Variants in PTGIS observed in about 807,000 individuals in gnomAD.
PTGIS encodes prostaglandin I2 synthase, also known as prostacyclin synthase.
In PTGIS, 45 loss-of-function variants were observed where a neutral mutation model predicts 50.3. The observed-to-expected ratio is 0.90, with a 90% CI of 0.70 to 1.15. PTGIS has a LOEUF of 1.15. PTGIS is among the 50% of genes most tolerant of loss of function. The probability of loss-of-function intolerance (pLI) is 0.00; values close to 1 mark genes in which losing one functional copy is unlikely to be tolerated. For missense variants in PTGIS, 668 were observed against 661.3 expected, an observed-to-expected ratio of 1.01 and a Z score of -0.11; for synonymous variants, 260 against 267.7, an observed-to-expected ratio of 0.97 and a Z score of 0.28.
In PTGIS at chr20:49,507,969, A is replaced by G; in HGVS notation, c.1454T>C (p.Leu485Pro). 1 of 1,613,744 alleles carries G rather than the reference A, an allele frequency of 6.2e-7. No homozygotes were observed. Among genetic ancestry groups the G allele is most frequent in the Non-Finnish European group, 8.5e-7 (1 of 1,180,038 alleles). Residue 485 changes from leucine (L) to proline (P), a missense_variant, in exon 10 of 10, where the codon CTG becomes CCG. Physicochemically the swap from Leu to Pro is moderately conservative, Grantham distance 98. Transcript: ENST00000244043. ...EFDLSRYGFG[L>P]MQPEHDVPVR... ...GGGCACGTCGTGTTCCGGCTGCATCAGACCGAAGCCGTACCTGCTGAGGTC... is the reference window on the plus strand; with the variant it reads ...GGGCACGTCGTGTTCCGGCTGCATCGGACCGAAGCCGTACCTGCTGAGGTC...
rs1231097778 is a variant in PTGIS, at chr20:49,540,594, T to G, written c.522-873A>C. On this transcript the variant is annotated intron_variant, in intron 4 of 9. Coordinates refer to ENST00000244043, the MANE Select transcript of PTGIS (RefSeq NM_000961.4). This position sits in a 1 kb window ranked among gnomAD's most constrained non-coding sequence, Gnocchi z 4.8. The stretch of plus-strand genomic sequence containing the variant: ...GCCCGAGAAGGAGGTCAGGGCCTGG[T>G]CAAGTGTGAAAAAGGGTAAGACATG... Among the ~76,000 whole-genome samples the G allele has an allele frequency of 6.6e-6, 1 of 152,048 alleles. No individual in the cohort carries two copies. Among genetic ancestry groups the G allele is most frequent in the Non-Finnish European group, 1.5e-5 (1 of 67,998 alleles).
chr20:49,504,020 C>A lies in PTGIS; in HGVS notation c.*3900G>T, dbSNP rs1376388586. The stretch of plus-strand genomic sequence containing the variant: ...GTTTATTCTTTTTAATCATCAAAAT[C>A]AATGACTTTGGGCAAGACCTGTGAA... On this transcript the variant is annotated 3_prime_UTR_variant, in exon 10 of 10. Transcript: ENST00000244043. The A allele has an allele frequency of 6.6e-6, 1 of 152,268 alleles. No individual in the cohort carries two copies. Among genetic ancestry groups the A allele is most frequent in the East Asian group, 1.9e-4 (1 of 5,200 alleles). 9.4% of individuals were successfully genotyped at this position (152,268 alleles called of 1,614,324 possible).
At chr20:49,532,600 G>C (rs752168708) in intron 5 of PTGIS, among the ~76,000 whole-genome samples, 1 of 152,112 alleles carries the variant, frequency 6.6e-6, no homozygotes, top group Non-Finnish European at 1.5e-5. Context: ...CCTAATAAAC[G>C]CTATATTATT....
intron 5 of PTGIS, among the ~76,000 whole-genome samples, chr20:49,534,801 G>A (rs1982028080): frequency 6.6e-6 from 1 of 152,182 alleles, no homozygotes; most frequent in Admixed American, 6.5e-5. Flanking sequence ...GACACAAACA[G>A]CCGGCTCATA....
chr20:49,518,198 A>G (rs1295829148), intron 6 of PTGIS, among the ~76,000 whole-genome samples: 1 of 152,242 alleles, frequency 6.6e-6, no homozygotes, highest in East Asian at 1.9e-4. Flanking sequence ...CCAACGGAAT[A>G]AAAGAATATC....
At chr20:49,513,322 A>G (rs1181539136) in intron 7 of PTGIS, 61 bp from the exon 8 acceptor site, 2 of 1,550,812 alleles carry the variant, frequency 1.3e-6, no homozygotes, top group East Asian at 2.3e-5. Flanking sequence ...TCATATGCCA[A>G]CCCCAGCTCT....
Position 49,514,243 on chromosome 20 carries a change from G to A in PTGIS, c.1008C>T (p.Asp336=). Residue 336 remains aspartate, a synonymous_variant, in exon 7 of 10, where the codon GAC becomes GAT. Transcript: ENST00000244043. ...CGATCTCACCAAGCACAGGTGTGCT[G>A]TCTAGAACCTTCTGTGGGAGAGTGG... ...QTTTLPQKVL[D]STPVLDSVLS... The A allele has an allele frequency of 1.2e-6, 2 of 1,613,940 alleles. No individual in the cohort carries two copies. Among genetic ancestry groups the A allele is most frequent in the Non-Finnish European group, 1.7e-6 (2 of 1,180,032 alleles).
rs1020742448 is a variant in PTGIS, at chr20:49,505,276, C to T, written c.*2644G>A. On this transcript the variant is annotated 3_prime_UTR_variant, in exon 10 of 10. Coordinates refer to ENST00000244043, the MANE Select transcript of PTGIS (RefSeq NM_000961.4). ...GGCATCCAGGTAACTTCCTAACTAGCGCATAGCAGGTAGCTAACCCACTCA... is the reference window on the plus strand; with the variant it reads ...GGCATCCAGGTAACTTCCTAACTAGTGCATAGCAGGTAGCTAACCCACTCA... The T allele has an allele frequency of 1.3e-5, 2 of 152,102 alleles. No individual in the cohort carries two copies. The highest frequency in any genetic ancestry group is 2.4e-5 in the African/African-American group (1 of 41,402). 9.4% of individuals were successfully genotyped at this position (152,102 alleles called of 1,614,324 possible).
Position 49,550,973 on chromosome 20 carries a change from G to A in PTGIS, c.75-784C>T, listed in dbSNP as rs555506690. Among the ~76,000 whole-genome samples the A allele has an allele frequency of 1.6e-4, 24 of 152,330 alleles. No homozygotes were observed. The Middle Eastern group carries it at 0.017, about 108-fold the overall frequency. ...AATCCCAGCACTTTGGGAGGCCAAG[G>A]CAGGTGGATCACTTGAGGCCAGGAG... On this transcript the variant is annotated intron_variant, in intron 1 of 9. Coordinates refer to ENST00000244043, the MANE Select transcript of PTGIS (RefSeq NM_000961.4).
chr20:49,555,333 T>G (rs980254040), intron 1 of PTGIS, among the ~76,000 whole-genome samples: 4 of 152,212 alleles, frequency 2.6e-5, no homozygotes, highest in African/African-American at 9.6e-5. Context: ...TACCTTTGGC[T>G]AAATGAATGA....
At chr20:49,514,121 G>T in intron 7 of PTGIS, 106 bp downstream of exon 7, 1 of 1,383,232 alleles carries the variant, frequency 7.2e-7, no homozygotes, top group Non-Finnish European at 1.0e-6. Context: ...TAGGTCGGAG[G>T]ACACACTGAT....
chr20:49,507,980 G>C lies in PTGIS; in HGVS notation c.1443C>G (p.Tyr481Ter). ...VEIPEFDLSR[Y>*]GFGLMQPEHD... Reference sequence around the variant, plus strand: ...GTTCCGGCTGCATCAGACCGAAGCCGTACCTGCTGAGGTCAAACTCAGGGA... The same window carrying C: ...GTTCCGGCTGCATCAGACCGAAGCCCTACCTGCTGAGGTCAAACTCAGGGA... Residue 481 changes from tyrosine to a stop codon, truncating the protein, a stop_gained, in exon 10 of 10, where the codon TAC becomes TAG. Coordinates refer to ENST00000244043, the MANE Select transcript of PTGIS (RefSeq NM_000961.4). LOFTEE classifies it high-confidence loss of function. The C allele has an allele frequency of 6.2e-7, 1 of 1,613,828 alleles. No individual in the cohort carries two copies. Among genetic ancestry groups the C allele is most frequent in the Non-Finnish European group, 8.5e-7 (1 of 1,180,048 alleles).
In PTGIS at chr20:49,513,137, G is replaced by A. The variant is rs1284536439; in HGVS notation, c.1149C>T (p.Leu383=). The part of the protein sequence containing the change: ...REFNLRRGDR[L]LLFPFLSPQR... Reference sequence around the variant, plus strand: ...GGGGGCTCAGGAAGGGGAAGAGGAGGAGGCGGTCACCACGTCGCAGGTTGA... The same window carrying A: ...GGGGGCTCAGGAAGGGGAAGAGGAGAAGGCGGTCACCACGTCGCAGGTTGA... The change falls in exon 8 of 10, where the codon CTC becomes CTT. Residue 383 remains leucine, a synonymous_variant. Coordinates refer to ENST00000244043, the MANE Select transcript of PTGIS (RefSeq NM_000961.4). 6.2e-7 allele frequency: 1 copy of A among 1,614,174 alleles called. No homozygotes were observed. The highest frequency in any genetic ancestry group is 8.5e-7 in the Non-Finnish European group (1 of 1,180,034).
At chr20:49,534,871 T>C (rs1982029748) in intron 5 of PTGIS, among the ~76,000 whole-genome samples, 1 of 152,132 alleles carries the variant, frequency 6.6e-6, no homozygotes, top group Non-Finnish European at 1.5e-5. Flanking sequence ...CCAGGCTCAG[T>C]GGCACGTGCC....
intron 4 of PTGIS, among the ~76,000 whole-genome samples, chr20:49,544,032 A>T (rs1231429875): frequency 6.6e-6 from 1 of 152,232 alleles, no homozygotes; most frequent in Admixed American, 6.5e-5. Flanking sequence ...CCACAGGACA[A>T]GATGACCTCT....
At chr20:49,535,501 T>A (rs1371589588) in intron 5 of PTGIS, among the ~76,000 whole-genome samples, 1 of 152,022 alleles carries the variant, frequency 6.6e-6, no homozygotes, top group Admixed American at 6.5e-5. Flanking sequence ...GCTAAAAAAA[T>A]GTATTGGTTT....
At chr20:49,546,958 A>G (rs759480672) in intron 3 of PTGIS, among the ~76,000 whole-genome samples, 1 of 152,238 alleles carries the variant, frequency 6.6e-6, no homozygotes, top group Non-Finnish European at 1.5e-5. Context: ...GTGGCTGGGC[A>G]TGGTGGCTCA....
At chr20:49,526,165 A>C (rs1252571801) in intron 5 of PTGIS, among the ~76,000 whole-genome samples, 1 of 152,180 alleles carries the variant, frequency 6.6e-6, no homozygotes, top group South Asian at 2.1e-4. Context: ...CAGATTGATC[A>C]TGTCAAAATC....
chr20:49,522,100 A>G (rs1443834013), intron 6 of PTGIS, among the ~76,000 whole-genome samples: 3 of 151,882 alleles, frequency 2.0e-5, no homozygotes, highest in Non-Finnish European at 4.4e-5. Context: ...AGGACCCACA[A>G]GGCCCTCAGT....
Sources: gnomAD v4.1 joint callset for allele counts (sites outside exome capture counted in the v4.1 genomes callset) on GRCh38, gnomAD v4.1.1 for gene constraint, Gnocchi (gnomAD v3.1) non-coding constraint, MANE v1.5 for transcripts, NCBI Gene and HGNC (gene_info 2026-07-23, HGNC 2026-07-21) for gene names.